NRK: variants seen among roughly 807,000 people sequenced by gnomAD.
NRK encodes nik-related protein kinase.
A neutral mutation model predicts 125.2 loss-of-function variants in NRK; 67 were observed. The observed-to-expected ratio is 0.54, with a 90% CI of 0.44 to 0.66. The LOEUF (loss-of-function observed/expected upper bound fraction) is 0.66, where lower values mean the gene tolerates loss of function less well. Among genes scored for constraint, NRK ranks in the 30% least tolerant of loss-of-function variants. NRK has a pLI of 0.00. For synonymous variants in NRK, 458 were observed against 429.0 expected, an observed-to-expected ratio of 1.07 and a Z score of -0.84; for missense variants, 1,224 against 1,192.9, an observed-to-expected ratio of 1.03 and a Z score of -0.38.
In NRK at chrX:105,863,751, A is replaced by G. The variant is rs760306972; in HGVS notation, c.124-16448A>G. Among the ~76,000 whole-genome samples, 4 of 112,430 alleles carry G rather than the reference A, an allele frequency of 3.6e-5. No homozygotes were observed. In the South Asian group the frequency reaches 1.5e-3, roughly 41 times the overall value. On this transcript the variant is annotated intron_variant, in intron 2 of 28. Transcript: ENST00000243300. ...GCACTTTTTATACATTTTGTATAAG[A>G]GAAGGAGCCTGACAATCTCAGAATT...
At chrX:105,943,522 C>T (rs771061584) in intron 23 of NRK, among the ~76,000 whole-genome samples, 2 of 111,975 alleles carry the variant, frequency 1.8e-5, no homozygotes, top group Admixed American at 9.5e-5. Context: ...TAAGATTCCA[C>T]GTGAAATATA....
Position 105,923,395 on chromosome X carries a change from A to G in NRK, c.2888A>G (p.Asn963Ser). 1 of 1,155,160 alleles carries G rather than the reference A, an allele frequency of 8.7e-7. No individual in the cohort carries two copies. The highest frequency in any genetic ancestry group is 1.2e-6 in the Non-Finnish European group (1 of 861,460). Reference protein sequence around the residue: ...DDLDNQVDQANDVCKDHDDDN... With the variant: ...DDLDNQVDQASDVCKDHDDDN... Reference sequence around the variant, plus strand: ...TTGGATAACCAGGTTGATCAGGCTAATGATGTTTGTAAAGACCATGATGAT... The same window carrying G: ...TTGGATAACCAGGTTGATCAGGCTAGTGATGTTTGTAAAGACCATGATGAT... The change falls in exon 18 of 29, where the codon AAT becomes AGT. Residue 963 changes from asparagine (N) to serine (S), a missense_variant. Physicochemically the swap from Asn to Ser is conservative, Grantham distance 46. Coordinates refer to ENST00000243300, the MANE Select transcript of NRK (RefSeq NM_198465.4).
chrX:105,953,087 C>T lies in NRK; in HGVS notation c.4567C>T (p.Arg1523Cys), dbSNP rs375705845. Residue 1523 changes from arginine (R) to cysteine (C), a missense_variant, in exon 28 of 29, where the codon CGC becomes TGC. Physicochemically the swap from Arg to Cys is radical, Grantham distance 180. Coordinates refer to ENST00000243300, the MANE Select transcript of NRK (RefSeq NM_198465.4). Reference sequence around the variant, plus strand: ...ATGGGGCCAAAAGGCCATTGAAGTGCGCTCTTTGCAATCCAGGGTTCTGGA... The same window carrying T: ...ATGGGGCCAAAAGGCCATTGAAGTGTGCTCTTTGCAATCCAGGGTTCTGGA... ...TGWGQKAIEV[R>C]SLQSRVLESE... 71 of 1,193,548 alleles carry T rather than the reference C, an allele frequency of 5.9e-5. No individual in the cohort carries two copies. Among genetic ancestry groups the T allele is most frequent in the African/African-American group, 1.9e-4 (11 of 56,965 alleles).
intron 2 of NRK, among the ~76,000 whole-genome samples, chrX:105,869,441 G>C (rs1156722522): frequency 9.1e-6 from 1 of 110,421 alleles, no homozygotes; most frequent in East Asian, 2.9e-4. Flanking sequence ...ACTCCCTGCT[G>C]CTTCTCTCAT....
chrX:105,856,036 T>G (rs16984847), intron 2 of NRK, among the ~76,000 whole-genome samples: 1,726 of 111,863 alleles, frequency 0.015, 36 homozygotes, highest in African/African-American at 0.053. Flanking sequence ...GTTCCTTCTT[T>G]GATTAAAAAA....
chrX:105,855,468 G>A (rs1202052391), intron 2 of NRK, among the ~76,000 whole-genome samples: 1 of 111,266 alleles, frequency 9.0e-6, no homozygotes, highest in Non-Finnish European at 1.9e-5. Context: ...AAGATTCGGG[G>A]TGAGGCAGTT....
intron 19 of NRK, among the ~76,000 whole-genome samples, chrX:105,933,806 A>G (rs2040626319): frequency 8.9e-6 from 1 of 112,047 alleles, no homozygotes; most frequent in Non-Finnish European, 1.9e-5. Flanking sequence ...TTGGAATCAG[A>G]CAGACTTTGG....
At chrX:105,861,265 T>A (rs2039598625) in intron 2 of NRK, among the ~76,000 whole-genome samples, 2 of 112,447 alleles carry the variant, frequency 1.8e-5, no homozygotes, top group South Asian at 7.3e-4. Context: ...TGGGCATTTA[T>A]GTCTTCCTTG....
In NRK at chrX:105,946,434, G is replaced by A. The variant is rs772437211; in HGVS notation, c.4323G>A (p.Glu1441=). The change falls in exon 26 of 29, where the codon GAG becomes GAA. Residue 1441 remains glutamate, a synonymous_variant. Coordinates refer to ENST00000243300, the MANE Select transcript of NRK (RefSeq NM_198465.4). ...DGYHLIDAES[E]VMSDVTLPKN... ...ATCACCTCATCGATGCAGAATCTGA[G>A]GTTATGTCTGATGTGACCCTGCCAA... 15 of 1,194,090 alleles carry A rather than the reference G, an allele frequency of 1.3e-5. No homozygotes were observed. The African/African-American group carries it at 2.1e-4, about 17-fold the overall frequency.
At position 105,909,417 on chromosome X, in the gene NRK, A is replaced by G. The variant is rs763767467; in HGVS notation, c.1776A>G (p.Leu592=). The G allele has an allele frequency of 1.7e-6, 2 of 1,208,189 alleles. No individual in the cohort carries two copies. Among genetic ancestry groups the G allele is most frequent in the Admixed American group, 2.2e-5 (1 of 45,714 alleles). The change falls in exon 13 of 29, where the codon CTA becomes CTG. Residue 592 remains leucine (L), a synonymous_variant. Transcript: ENST00000243300. ...RVNAQVFLPL[L]SQDHHVLLPL... ...ATGCCCAGGTATTTCTGCCCCTGCT[A>G]TCACAAGATCACCATGTGCTGTTGC...
intron 5 of NRK, among the ~76,000 whole-genome samples, 176 bp from the exon 6 acceptor site, chrX:105,893,656 C>T (rs371293270): frequency 2.7e-5 from 3 of 111,851 alleles, no homozygotes; most frequent in African/African-American, 9.7e-5. Flanking sequence ...GGTTTTAATC[C>T]AACTCTCTCT....
intron 2 of NRK, among the ~76,000 whole-genome samples, chrX:105,836,881 A>G (rs2039272864): frequency 8.9e-6 from 1 of 112,276 alleles, no homozygotes; most frequent in African/African-American, 3.2e-5. Context: ...CAATATACAT[A>G]TATGTACACA....
chrX:105,905,299 C>A lies in NRK; in HGVS notation c.801C>A (p.Phe267Leu). 1 of 1,206,312 alleles carries A rather than the reference C, an allele frequency of 8.3e-7. No individual in the cohort carries two copies. Among genetic ancestry groups the A allele is most frequent in the Non-Finnish European group, 1.1e-6 (1 of 891,329 alleles). Residue 267 changes from phenylalanine to leucine, a missense_variant, in exon 10 of 29, where the codon TTC becomes TTA. Phe to Leu is a conservative substitution (Grantham distance 22). Coordinates refer to ENST00000243300, the MANE Select transcript of NRK (RefSeq NM_198465.4). ...LCNLQPLEAL[F>L]VILRESAPTV... The stretch of plus-strand genomic sequence containing the variant: ...ACCTTCAACCCTTGGAAGCTCTCTT[C>A]GTTATTTTGCGGGAATCTGCTCCCA...
chrX:105,923,445 G>A lies in NRK; in HGVS notation c.2938G>A (p.Val980Ile). 1 of 1,144,649 alleles carries A rather than the reference G, an allele frequency of 8.7e-7. No individual in the cohort carries two copies. The allele number at this position is 1,144,649 out of a possible 1,213,427, so 94.3% of individuals were successfully genotyped here. The change falls in exon 18 of 29, where the codon GTA (valine) becomes ATA (isoleucine). Residue 980 changes from valine to isoleucine, a missense_variant. Transcript: ENST00000243300. Reference sequence around the variant, plus strand: ...TGACAACAATAAGTTTGTTGATGATGTAAATAATAATTATTATGAGGCGCC... The same window carrying A: ...TGACAACAATAAGTTTGTTGATGATATAAATAATAATTATTATGAGGCGCC... ...DDDNNKFVDD[V>I]NNNYYEAPSC...
chrX:105,866,094 G>T (rs764100048), intron 2 of NRK, among the ~76,000 whole-genome samples: 2 of 109,587 alleles, frequency 1.8e-5, no homozygotes, highest in East Asian at 5.7e-4. Flanking sequence ...TCAAATAAGT[G>T]TTTTTTCTTA....
chrX:105,939,841 A>C, intron 22 of NRK, 33 bp from the exon 23 acceptor site: 1 of 894,035 alleles, frequency 1.1e-6, no homozygotes, highest in South Asian at 3.1e-5. Context: ...AGAAAGACTG[A>C]TTTTAAATAC....
At chrX:105,864,456 G>A (rs981570996) in intron 2 of NRK, among the ~76,000 whole-genome samples, 18 of 111,323 alleles carry the variant, frequency 1.6e-4, no homozygotes, top group African/African-American at 5.5e-4. Flanking sequence ...ATAATCAAAT[G>A]CACCAAGTAG....
chrX:105,876,511 G>A (rs1035085966), intron 2 of NRK, among the ~76,000 whole-genome samples: 1 of 110,736 alleles, frequency 9.0e-6, no homozygotes. Flanking sequence ...AGATATTACT[G>A]ATAGGAAAAA....
In NRK at chrX:105,888,414, C is replaced by T. The variant is rs774619313; in HGVS notation, c.373C>T (p.Leu125Phe). ...GAGTCCCCCTGGTCAGCGGCACCAA[C>T]TTTGGGTATGTTTTTAATTACACTG... is the stretch of plus-strand genomic sequence containing the variant. ...KLSPPGQRHQ[L>F]WMVMELCAAG... Residue 125 changes from leucine to phenylalanine, a missense_variant, in exon 5 of 29, where the codon CTT becomes TTT. Coordinates refer to ENST00000243300, the MANE Select transcript of NRK (RefSeq NM_198465.4). 8.4e-7 allele frequency: 1 copy of T among 1,189,615 alleles called. No homozygotes were observed. Among genetic ancestry groups the T allele is most frequent in the South Asian group, 1.9e-5 (1 of 53,131 alleles).
Sources: gnomAD v4.1 joint callset for allele counts (sites outside exome capture counted in the v4.1 genomes callset) on GRCh38, gnomAD v4.1.1 for gene constraint, MANE v1.5 for transcripts, NCBI Gene and HGNC (gene_info 2026-07-23, HGNC 2026-07-21) for gene names.